PPFIA2: variants seen among roughly 807,000 people sequenced by gnomAD.
PPFIA2 encodes PPFI scaffold protein A2.
PPFIA2 carries 46 observed loss-of-function variants against 175.5 expected under a neutral mutation model. The observed-to-expected ratio is 0.26, with a 90% confidence interval of 0.21 to 0.34. PPFIA2 has a LOEUF of 0.34. Among genes scored for constraint, PPFIA2 ranks in the 10% least tolerant of loss-of-function variants. PPFIA2 has a pLI of 1.00. For missense variants in PPFIA2, 1,179 were observed against 1,506.1 expected, an observed-to-expected ratio of 0.78 and a Z score of 3.60; for synonymous variants, 568 against 511.4, an observed-to-expected ratio of 1.11 and a Z score of -1.49.
At chr12:81,304,096 A>C (rs1465573337) in intron 22 of PPFIA2, among the ~76,000 whole-genome samples, 1 of 152,200 alleles carries the variant, frequency 6.6e-6, no homozygotes. Context: ...TCATGATTCA[A>C]CAAAAATGCT....
At chr12:81,598,230 A>G in intron 4 of PPFIA2, 1 of 1,356,710 alleles carries the variant, frequency 7.4e-7, no homozygotes, top group Non-Finnish European at 9.5e-7. Context: ...ATCATCAGCC[A>G]CCGACCTTTT....
rs1314552627 is a variant in PPFIA2 at position 81,319,741 on chromosome 12, T to C, written c.2642+6036A>G. 3.3e-5 allele frequency among the ~76,000 whole-genome samples: 5 copies of C among 152,040 alleles called. No individual in the cohort carries two copies. The East Asian group carries it at 9.6e-4, about 29-fold the overall frequency. On this transcript the variant is annotated intron_variant, in intron 22 of 32. Coordinates refer to ENST00000549396, the MANE Select transcript of PPFIA2 (RefSeq NM_003625.5). ...AGAATATATGTGTTTGTGACAAGAC[T>C]GGGAAAATCTCTCATGATCTCTTAT...
At chr12:81,374,950 C>T (rs1395555732) in intron 10 of PPFIA2, among the ~76,000 whole-genome samples, 182 bp from the exon 11 acceptor site, 2 of 152,150 alleles carry the variant, frequency 1.3e-5, no homozygotes, top group Non-Finnish European at 2.9e-5. Context: ...TTCCTTCATA[C>T]ATTTCAGCAC....
chr12:81,567,793 A>G (rs1257629626), intron 4 of PPFIA2, among the ~76,000 whole-genome samples: 2 of 152,298 alleles, frequency 1.3e-5, no homozygotes, highest in African/African-American at 2.4e-5. Flanking sequence ...CTTTCTACTG[A>G]AACTGTAATT....
At chr12:81,408,827 T>A (rs1352953461) in intron 7 of PPFIA2, among the ~76,000 whole-genome samples, 1 of 152,226 alleles carries the variant, frequency 6.6e-6, no homozygotes, top group East Asian at 1.9e-4. Context: ...AAATGTGACA[T>A]ATTCTATATT....
intron 17 of PPFIA2, chr12:81,350,361 A>T (rs1431318868): frequency 6.6e-6 from 1 of 152,224 alleles, no homozygotes; most frequent in Non-Finnish European, 1.5e-5. Context: ...AAAGGTGAGC[A>T]AAGCCAGATA....
At chr12:81,464,884 G>GAAAAAA (rs11422177) in intron 4 of PPFIA2, among the ~76,000 whole-genome samples, 3 of 145,576 alleles carry the variant, frequency 2.1e-5, no homozygotes, top group Non-Finnish European at 1.5e-5. Flanking sequence ...AATAGAGCTG[G>GAAAAAA]AAAAAAAAAA....
chr12:81,329,744 G>T (rs1046301735), intron 21 of PPFIA2, among the ~76,000 whole-genome samples: 19 of 152,180 alleles, frequency 1.2e-4, no homozygotes, highest in Non-Finnish European at 1.9e-4. Context: ...GGAGAAACAG[G>T]GACCCAGGCT....
rs986497315 is a variant in PPFIA2 at position 81,756,763 on chromosome 12, C to A, written c.-3+1637G>T. 2.2e-4 allele frequency among the ~76,000 whole-genome samples: 34 copies of A among 152,064 alleles called. 1 individual carries two copies. The highest frequency in any genetic ancestry group is 2.1e-4 in the South Asian group (1 of 4,818). Reference sequence around the variant, plus strand: ...CAATTACAAATGTAAGTATTAATTTCTATTATAAAGTGATCAACATTAATC... The same window carrying A: ...CAATTACAAATGTAAGTATTAATTTATATTATAAAGTGATCAACATTAATC... On this transcript the variant is annotated intron_variant, in intron 2 of 32. Transcript: ENST00000549396.
At chr12:81,265,651 T>C (rs2037028875) in intron 30 of PPFIA2, among the ~76,000 whole-genome samples, 1 of 152,186 alleles carries the variant, frequency 6.6e-6, no homozygotes, top group Non-Finnish European at 1.5e-5. Flanking sequence ...AATTCTATTT[T>C]GTGCTTTTAA....
At chr12:81,537,085 A>C (rs1272301032) in intron 4 of PPFIA2, among the ~76,000 whole-genome samples, 1 of 151,702 alleles carries the variant, frequency 6.6e-6, no homozygotes, top group Non-Finnish European at 1.5e-5. Flanking sequence ...TTACAAAAGA[A>C]ATGAAAAATA....
At chr12:81,261,898 G>A (rs1328786976) in intron 32 of PPFIA2, 51 bp downstream of exon 32, 1 of 1,264,870 alleles carries the variant, frequency 7.9e-7, no homozygotes, top group African/African-American at 1.5e-5. Context: ...GTCTATGTAG[G>A]TTCCATTTTT....
chr12:81,401,981 A>C (rs1213629968), intron 8 of PPFIA2, among the ~76,000 whole-genome samples: 1 of 152,146 alleles, frequency 6.6e-6, no homozygotes, highest in Non-Finnish European at 1.5e-5. Context: ...GCTGATAATA[A>C]TTACCAGAGT....
Position 81,642,657 on chromosome 12 carries a change from T to TATATTATATA in PPFIA2, c.303+34133_303+34134insTATATAATAT, listed in dbSNP as rs1491417980. Among the ~76,000 whole-genome samples the TATATTATATA allele has an allele frequency of 3.0e-3, 339 of 114,350 alleles. 74 individuals are homozygous for TATATTATATA. Among genetic ancestry groups the TATATTATATA allele is most frequent in the Non-Finnish European group, 4.5e-3 (245 of 54,272 alleles). 75.0% of individuals were successfully genotyped at this position (114,350 alleles called of 152,430 possible). A position where few individuals can be genotyped will look rare whatever the true frequency, so the allele number is the denominator to read the frequency against. On this transcript the variant is annotated intron_variant, in intron 4 of 32. Coordinates refer to ENST00000549396, the MANE Select transcript of PPFIA2 (RefSeq NM_003625.5). The stretch of plus-strand genomic sequence containing the variant: ...TCTATTATATACATACATGTATGTA[T>TATATTATATA]CTATTATATACATACATGTATGTAT...
At chr12:81,524,231 G>A (rs2063486063) in intron 4 of PPFIA2, among the ~76,000 whole-genome samples, 1 of 152,132 alleles carries the variant, frequency 6.6e-6, no homozygotes, top group African/African-American at 2.4e-5. Flanking sequence ...TAGACTGGTA[G>A]AGCAACCAGA....
At chr12:81,642,681 ATCTAT>A (rs2065210410) in intron 4 of PPFIA2, among the ~76,000 whole-genome samples, 1 of 93,826 alleles carries the variant, frequency 1.1e-5, no homozygotes, top group Admixed American at 1.1e-4. Context: ...ACATGTATGT[ATCTAT>A]TATATACATA....
chr12:81,369,255 A>C (rs1229065640), intron 11 of PPFIA2, 61 bp from the exon 12 acceptor site: 1 of 1,563,830 alleles, frequency 6.4e-7, no homozygotes, highest in African/African-American at 1.4e-5. Context: ...TTTTCCTCTA[A>C]ATAAATTGAA....
chr12:81,501,889 G>A (rs181659140), intron 4 of PPFIA2, among the ~76,000 whole-genome samples: 3 of 152,240 alleles, frequency 2.0e-5, no homozygotes, highest in Non-Finnish European at 4.4e-5. Context: ...GAAATTGAAA[G>A]CCAAGGATGC....
intron 4 of PPFIA2, among the ~76,000 whole-genome samples, chr12:81,601,331 T>C (rs1483470455): frequency 6.6e-6 from 1 of 151,898 alleles, no homozygotes; most frequent in Non-Finnish European, 1.5e-5. Flanking sequence ...ACAACTCAAT[T>C]TTCTCTTCTG....
Sources: gnomAD v4.1 joint callset for allele counts (sites outside exome capture counted in the v4.1 genomes callset) on GRCh38, gnomAD v4.1.1 for gene constraint, MANE v1.5 for transcripts, NCBI Gene and HGNC (gene_info 2026-07-23, HGNC 2026-07-21) for gene names.